The following CERS3 variants were observed in gnomAD, a reference collection of about 807,000 sequenced individuals.
CERS3 encodes ceramide synthase 3, also known as LAG1 homolog, ceramide synthase 3.
In CERS3, 33 loss-of-function variants were observed where a neutral mutation model predicts 50.3. The ratio of observed to expected loss-of-function variants is 0.66; its 90% CI spans 0.50 to 0.88. The LOEUF (loss-of-function observed/expected upper bound fraction) is 0.88, where lower values mean the gene tolerates loss of function less well. CERS3 is among the 40% of genes least tolerant of loss of function. CERS3 has a pLI of 0.00. For missense variants in CERS3, 470 were observed against 460.3 expected (o/e 1.02, Z -0.19); for synonymous variants, 176 against 155.2 (o/e 1.13, Z -0.99).
chr15:100,502,937 G>A (rs2036056922), intron 2 of CERS3, among the ~76,000 whole-genome samples: 1 of 152,204 alleles, frequency 6.6e-6, no homozygotes, highest in Non-Finnish European at 1.5e-5. Context: ...GTGGACATAA[G>A]CCAGGAAAGG....
chr15:100,413,957 C>T (rs1258160157), intron 11 of CERS3, among the ~76,000 whole-genome samples: 2 of 151,934 alleles, frequency 1.3e-5, no homozygotes, highest in African/African-American at 4.8e-5. Flanking sequence ...AATAAAACAC[C>T]TGCCAACCAG....
chr15:100,453,105 CA>C (rs36083318), intron 11 of CERS3, among the ~76,000 whole-genome samples: 320 of 149,186 alleles, frequency 2.1e-3, no homozygotes, highest in African/African-American at 6.8e-3. Flanking sequence ...TTAAACTATT[CA>C]AAAAAAAAAA....
chr15:100,463,358 C>T (rs1361475769), intron 10 of CERS3, among the ~76,000 whole-genome samples: 1 of 142,672 alleles, frequency 7.0e-6, no homozygotes, highest in Non-Finnish European at 1.5e-5. Flanking sequence ...TCGCTTGAAC[C>T]CGGGAAGCAG....
intron 11 of CERS3, among the ~76,000 whole-genome samples, chr15:100,406,381 T>C (rs1315495898): frequency 6.6e-6 from 1 of 152,230 alleles, no homozygotes; most frequent in East Asian, 1.9e-4. Context: ...AGACTAAAAC[T>C]GGCCACCTCC....
intron 2 of CERS3, among the ~76,000 whole-genome samples, chr15:100,502,240 C>T (rs1390451450): frequency 1.2e-4 from 7 of 58,972 alleles, no homozygotes; most frequent in Non-Finnish European, 2.3e-4. Context: ...CAAGACTCCA[C>T]CTCAAAAAAA....
chr15:100,501,856 G>T lies in CERS3; in HGVS notation c.-1-6C>A, dbSNP rs1352310886. 1 of 1,613,398 alleles carries T rather than the reference G, an allele frequency of 6.2e-7. No individual in the cohort carries two copies. Among genetic ancestry groups the T allele is most frequent in the Non-Finnish European group, 8.5e-7 (1 of 1,179,666 alleles). ...CTTTAAACGTCCAAAACATTCTAGA[G>T]AAATGGAAACAGACATTAGGCTTGT... On this transcript the variant is annotated splice_polypyrimidine_tract_variant and splice_region_variant and intron_variant, in intron 2 of 11. Transcript: ENST00000679737.
rs1023783 is a variant in CERS3, at chr15:100,402,840, T to C, written c.1025A>G (p.Asp342Gly). The stretch of plus-strand genomic sequence containing the variant: ...TTCCTCTTCCTCTTCATAATCCTCG[T>C]CATCACTCCTCACATCCTGGATGCT... ...MKSIQDVRSD[D>G]EDYEEEEEEE... is the part of the protein sequence containing the mutation. Residue 342 changes from aspartate (D) to glycine (G), a missense_variant, in exon 12 of 12, where the codon GAC becomes GGC. Coordinates refer to ENST00000679737, the MANE Select transcript of CERS3 (RefSeq NM_001378789.1). The C allele has an allele frequency of 0.02, 32,495 of 1,607,906 alleles. 369 individuals are homozygous for C. Among genetic ancestry groups the C allele is most frequent in the Middle Eastern group, 0.027 (165 of 6,050 alleles).
chr15:100,466,979 G>T (rs565419727), intron 10 of CERS3, among the ~76,000 whole-genome samples: 1 of 151,484 alleles, frequency 6.6e-6, no homozygotes, highest in African/African-American at 2.4e-5. Context: ...TCAGGCTCCC[G>T]AGTGGCTGGG....
intron 11 of CERS3, among the ~76,000 whole-genome samples, chr15:100,441,249 C>T (rs764784144): frequency 5.5e-5 from 8 of 145,758 alleles, no homozygotes; most frequent in South Asian, 4.5e-4. Flanking sequence ...TGTGCCCCTA[C>T]CCCTTATTTC....
chr15:100,444,332 T>C (rs1481575551), intron 11 of CERS3, among the ~76,000 whole-genome samples: 1 of 150,752 alleles, frequency 6.6e-6, no homozygotes, highest in East Asian at 2.0e-4. Flanking sequence ...ACAATTACCA[T>C]TGTTCCTGGC....
intron 11 of CERS3, among the ~76,000 whole-genome samples, chr15:100,438,794 C>G (rs1419618687): frequency 6.6e-6 from 1 of 152,230 alleles, no homozygotes; most frequent in Non-Finnish European, 1.5e-5. Flanking sequence ...CTACAGTTCC[C>G]CCCGCACGTC....
At chr15:100,430,405 T>C (rs1384645045) in intron 11 of CERS3, among the ~76,000 whole-genome samples, 3 of 152,102 alleles carry the variant, frequency 2.0e-5, no homozygotes, top group Non-Finnish European at 4.4e-5. Flanking sequence ...TAAGATAAAA[T>C]GCTCATTTGA....
intron 11 of CERS3, among the ~76,000 whole-genome samples, chr15:100,413,790 T>C (rs562385275): frequency 1.0e-3 from 149 of 146,018 alleles, no homozygotes; most frequent in African/African-American, 3.5e-3. Context: ...AAAAAAACCC[T>C]TACAGACTAT....
chr15:100,403,735 A>T (rs562896895), intron 11 of CERS3, among the ~76,000 whole-genome samples: 1 of 152,376 alleles, frequency 6.6e-6, no homozygotes, highest in African/African-American at 2.4e-5. Flanking sequence ...TATGAAGGAC[A>T]TTTAATTTGT....
At chr15:100,505,766 G>C (rs2036158047) in intron 2 of CERS3, among the ~76,000 whole-genome samples, 1 of 152,226 alleles carries the variant, frequency 6.6e-6, no homozygotes, top group Admixed American at 6.5e-5. Flanking sequence ...CCAGGACCCT[G>C]GGATGCTGGG....
intron 7 of CERS3, among the ~76,000 whole-genome samples, chr15:100,476,959 A>T (rs924308057): frequency 2.0e-5 from 3 of 152,182 alleles, no homozygotes; most frequent in Admixed American, 6.5e-5. Context: ...TGAAGAGGCC[A>T]CAAAGAAGAG....
chr15:100,541,175 T>C (rs1177282926), intron 1 of CERS3, among the ~76,000 whole-genome samples: 2 of 152,174 alleles, frequency 1.3e-5, no homozygotes, highest in African/African-American at 4.8e-5. Flanking sequence ...TCCAGTATCT[T>C]GGAAGGCACT....
intron 11 of CERS3, among the ~76,000 whole-genome samples, chr15:100,440,656 C>G (rs2033639567): frequency 6.6e-6 from 1 of 152,228 alleles, no homozygotes; most frequent in Admixed American, 6.5e-5. Context: ...GGAGATCAAT[C>G]CCCTGTCCTC....
upstream of CERS3, among the ~76,000 whole-genome samples, chr15:100,529,440 T>C (rs1206357569): frequency 2.0e-5 from 3 of 152,216 alleles, no homozygotes; most frequent in Non-Finnish European, 4.4e-5. Flanking sequence ...TTGAAGCATA[T>C]AACTGCCAAA....
Sources: gnomAD v4.1 joint callset for allele counts (sites outside exome capture counted in the v4.1 genomes callset) on GRCh38, gnomAD v4.1.1 for gene constraint, MANE v1.5 for transcripts, NCBI Gene and HGNC (gene_info 2026-07-23, HGNC 2026-07-21) for gene names.